The following JARID2 variants were observed in gnomAD, a reference collection of about 807,000 sequenced individuals.
JARID2 encodes the protein protein Jumonji.
JARID2 carries 21 observed loss-of-function variants against 125.6 expected under a neutral mutation model. The observed-to-expected ratio is 0.17, with a 90% CI of 0.12 to 0.24. The LOEUF (loss-of-function observed/expected upper bound fraction) is 0.24, where lower values mean the gene tolerates loss of function less well. JARID2 is among the 10% of genes least tolerant of loss of function. JARID2 has a pLI of 1.00. For synonymous variants in JARID2, 736 were observed against 661.6 expected, an observed-to-expected ratio of 1.11 and a Z score of -1.73; for missense variants, 1,303 against 1,639.6, an observed-to-expected ratio of 0.79 and a Z score of 3.55.
chr6:15,440,201 G>A (rs1036254231), intron 3 of JARID2, among the ~76,000 whole-genome samples: 1 of 152,202 alleles, frequency 6.6e-6, no homozygotes, highest in Non-Finnish European at 1.5e-5. Flanking sequence ...GTCCACTGCC[G>A]CTGTCTACAT....
intron 2 of JARID2, among the ~76,000 whole-genome samples, chr6:15,388,048 C>T (rs145055591): frequency 4.3e-4 from 65 of 152,250 alleles, no homozygotes; most frequent in African/African-American, 1.3e-3. Flanking sequence ...GATTTATTGA[C>T]GTTCTTTCTT....
chr6:15,504,637 C>G, intron 9 of JARID2, 45 bp downstream of exon 9: 3 of 1,311,742 alleles, frequency 2.3e-6, no homozygotes. Flanking sequence ...GTGTGGGAAC[C>G]CCTCGGCGAG....
chr6:15,413,000 G>GTTTTTTTTTTTTTTTTTTTTT (rs1561845196), intron 3 of JARID2, among the ~76,000 whole-genome samples: 2 of 65,052 alleles, frequency 3.1e-5, no homozygotes, highest in African/African-American at 1.2e-4. Context: ...GGAAGAGCTT[G>GTTTTTTTTTTTTTTTTTTTTT]TGTTTTTGTT....
At chr6:15,462,701 C>T (rs1581598254) in intron 4 of JARID2, among the ~76,000 whole-genome samples, 1 of 152,196 alleles carries the variant, frequency 6.6e-6, no homozygotes, top group Non-Finnish European at 1.5e-5. Context: ...AGCTAAATGA[C>T]AGTGCACAGG....
chr6:15,448,138 T>C (rs1767755274), intron 3 of JARID2, among the ~76,000 whole-genome samples: 1 of 152,232 alleles, frequency 6.6e-6, no homozygotes, highest in Non-Finnish European at 1.5e-5. Context: ...TGTCTTGTTC[T>C]TTAGTTCCTG....
chr6:15,513,829 G>A (rs1384754624), intron 16 of JARID2, among the ~76,000 whole-genome samples: 4 of 152,258 alleles, frequency 2.6e-5, no homozygotes, highest in African/African-American at 4.8e-5. Flanking sequence ...TGTGCCTGGT[G>A]CACCTGGGCC....
intron 13 of JARID2, 88 bp downstream of exon 13, chr6:15,511,489 G>A: frequency 1.1e-6 from 1 of 884,496 alleles, no homozygotes; most frequent in South Asian, 1.3e-5. Context: ...GCCTTTCAAA[G>A]GCAATGAGGA....
chr6:15,271,469 T>C (rs1760293487), intron 1 of JARID2, among the ~76,000 whole-genome samples: 2 of 152,196 alleles, frequency 1.3e-5, no homozygotes, highest in African/African-American at 4.8e-5. Flanking sequence ...AAGGGTAGGG[T>C]TCCCAATAAG....
chr6:15,369,242 G>C, intron 1 of JARID2: 1 of 355,576 alleles, frequency 2.8e-6, no homozygotes, highest in South Asian at 2.3e-5. Context: ...GCAATGCCAA[G>C]TTGTGGCCCA....
chr6:15,385,482 T>C (rs942920113), intron 2 of JARID2, among the ~76,000 whole-genome samples: 5 of 151,150 alleles, frequency 3.3e-5, no homozygotes, highest in Non-Finnish European at 5.9e-5. Flanking sequence ...TTTATTTATA[T>C]AGATTTTTTA....
intron 1 of JARID2, among the ~76,000 whole-genome samples, chr6:15,302,283 G>C (rs1480167040): frequency 6.6e-6 from 1 of 152,168 alleles, no homozygotes; most frequent in South Asian, 2.1e-4. Context: ...GGGCGTGGTG[G>C]CGTGCGCCTG....
chr6:15,338,138 GCAGTGGTAC>G, intron 1 of JARID2, among the ~76,000 whole-genome samples: 1 of 152,210 alleles, frequency 6.6e-6, no homozygotes, highest in African/African-American at 2.4e-5. Flanking sequence ...GGTATGTACT[GCAGTGGTAC>G]CTATGGCTGG....
intron 1 of JARID2, among the ~76,000 whole-genome samples, chr6:15,340,399 A>G (rs1331037337): frequency 6.6e-6 from 1 of 152,184 alleles, no homozygotes; most frequent in African/African-American, 2.4e-5. Context: ...TACTTTTGAT[A>G]CTTTGTCATT....
chr6:15,352,122 G>C (rs1459912177), intron 1 of JARID2, among the ~76,000 whole-genome samples: 1 of 151,960 alleles, frequency 6.6e-6, no homozygotes, highest in Non-Finnish European at 1.5e-5. Flanking sequence ...TTCATTGCAG[G>C]CTTATCTTCC....
At chr6:15,297,940 T>C (rs529001493) in intron 1 of JARID2, among the ~76,000 whole-genome samples, 1 of 152,194 alleles carries the variant, frequency 6.6e-6, no homozygotes, top group South Asian at 2.1e-4. Context: ...ACTGGGAAAC[T>C]ACAACATTCT....
chr6:15,371,766 G>A (rs750429123), intron 1 of JARID2, among the ~76,000 whole-genome samples: 32 of 152,196 alleles, frequency 2.1e-4, no homozygotes, highest in Non-Finnish European at 4.6e-4. Flanking sequence ...CTCTTGTTAG[G>A]TTGGGGCAAG....
At chr6:15,394,883 C>G (rs754329330) in intron 2 of JARID2, among the ~76,000 whole-genome samples, 1 of 151,788 alleles carries the variant, frequency 6.6e-6, no homozygotes, top group African/African-American at 2.4e-5. Flanking sequence ...AATTCAGAAC[C>G]AAAGCATTGC....
chr6:15,320,850 C>CTGTGTGTGTGTGTGTG (rs71535033), intron 1 of JARID2, among the ~76,000 whole-genome samples: 19 of 135,126 alleles, frequency 1.4e-4, no homozygotes, highest in African/African-American at 5.3e-4. Context: ...CTCTCTCTCT[C>CTGTGTGTGTGTGTGTG]TCTGTGTGTG....
At chr6:15,475,756 A>G (rs1042874674) in intron 5 of JARID2, among the ~76,000 whole-genome samples, 36 of 152,186 alleles carry the variant, frequency 2.4e-4, no homozygotes, top group Non-Finnish European at 2.2e-4. Flanking sequence ...AGAAGGTGAG[A>G]GCTCAGTCTT....
Sources: gnomAD v4.1 joint callset for allele counts (sites outside exome capture counted in the v4.1 genomes callset) on GRCh38, gnomAD v4.1.1 for gene constraint, MANE v1.5 for transcripts, NCBI Gene and HGNC (gene_info 2026-07-23, HGNC 2026-07-21) for gene names.